NDUFAF2: variants seen among roughly 807,000 people sequenced by gnomAD.
The protein encoded by NDUFAF2 is NADH:ubiquinone oxidoreductase complex assembly factor 2, also known as NADH dehydrogenase [ubiquinone] 1 alpha subcomplex assembly factor 2.
NDUFAF2 carries 13 observed loss-of-function variants against 22.8 expected under a neutral mutation model. The observed-to-expected ratio is 0.57, with a 90% CI of 0.37 to 0.91. The LOEUF (loss-of-function observed/expected upper bound fraction) is 0.91. Among genes scored for constraint, NDUFAF2 ranks in the 40% least tolerant of loss-of-function variants. The probability of loss-of-function intolerance (pLI) is 0.01; values close to 1 mark genes in which losing one functional copy is unlikely to be tolerated. For synonymous variants in NDUFAF2, 53 were observed against 64.2 expected (o/e 0.83, Z 0.84); for missense variants, 162 against 195.2 (o/e 0.83, Z 1.01).
chr5:60,972,977 C>G (rs1750856269), intron 1 of NDUFAF2, among the ~76,000 whole-genome samples: 1 of 151,728 alleles, frequency 6.6e-6, no homozygotes, highest in African/African-American at 2.4e-5. Context: ...TTTACCATAA[C>G]CAAAGAGCTT....
At chr5:61,057,926 G>A (rs961609911) in intron 1 of NDUFAF2, among the ~76,000 whole-genome samples, 3 of 152,116 alleles carry the variant, frequency 2.0e-5, no homozygotes, top group Non-Finnish European at 4.4e-5. Context: ...AAGGGTATTA[G>A]TAATTTCATG....
chr5:61,102,981 A>G (rs527852915), intron 3 of NDUFAF2, among the ~76,000 whole-genome samples: 32 of 152,290 alleles, frequency 2.1e-4, no homozygotes, highest in African/African-American at 7.5e-4. Flanking sequence ...AGCACCCACA[A>G]CTTTTATACA....
intron 2 of NDUFAF2, among the ~76,000 whole-genome samples, chr5:61,078,240 A>C (rs1752393974): frequency 6.8e-6 from 1 of 147,750 alleles, no homozygotes; most frequent in African/African-American, 2.5e-5. Context: ...TACCTTATTC[A>C]TTTTTGTATT....
intron 1 of NDUFAF2, among the ~76,000 whole-genome samples, chr5:61,072,088 C>T (rs1481674599): frequency 1.3e-5 from 2 of 152,156 alleles, no homozygotes; most frequent in African/African-American, 4.8e-5. Context: ...TGCTACTATT[C>T]CACTCCAGAT....
At chr5:61,093,741 T>C (rs1580130577) in intron 2 of NDUFAF2, among the ~76,000 whole-genome samples, 1 of 152,226 alleles carries the variant, frequency 6.6e-6, no homozygotes, top group Non-Finnish European at 1.5e-5. Flanking sequence ...TATCAAACAC[T>C]GCCAGGTTTT....
chr5:60,971,182 T>TG (rs1750822419), intron 1 of NDUFAF2, among the ~76,000 whole-genome samples: 1 of 151,850 alleles, frequency 6.6e-6, no homozygotes, highest in African/African-American at 2.4e-5. Flanking sequence ...CTAGGGTACA[T>TG]GTGCACAATG....
intron 1 of NDUFAF2, among the ~76,000 whole-genome samples, chr5:60,964,452 CT>C (rs750442889): frequency 1.9e-3 from 265 of 139,458 alleles, no homozygotes; most frequent in Admixed American, 2.7e-3. Flanking sequence ...GTGTACAACA[CT>C]TTTTTTTTTT....
intron 1 of NDUFAF2, among the ~76,000 whole-genome samples, chr5:61,010,711 T>C (rs1561541294): frequency 6.6e-6 from 1 of 152,164 alleles, no homozygotes; most frequent in Non-Finnish European, 1.5e-5. Flanking sequence ...ATTCATCCCT[T>C]CTTCTTTCAG....
In NDUFAF2 at chr5:61,040,274, A is replaced by G. The variant is rs1275675124; in HGVS notation, c.128-32851A>G. On this transcript the variant is annotated intron_variant, in intron 1 of 3. Transcript: ENST00000296597. ...AGGACACACACACACACACACACAC[A>G]CACACACACACACGCGCGCGCGCGC... 1.6e-3 allele frequency among the ~76,000 whole-genome samples: 194 copies of G among 120,384 alleles called. 1 individual carries two copies. Among genetic ancestry groups the G allele is most frequent in the African/African-American group, 4.9e-3 (127 of 25,796 alleles). The allele number at this position is 120,384 out of a possible 152,430, so 79.0% of individuals were successfully genotyped here. A position where few individuals can be genotyped will look rare whatever the true frequency, so the allele number is the denominator to read the frequency against.
chr5:61,143,960 T>TGTGTG lies in NDUFAF2; in HGVS notation c.259-8744_259-8743insGTGTG, dbSNP rs1491220278. 1.3e-3 allele frequency among the ~76,000 whole-genome samples: 131 copies of TGTGTG among 98,220 alleles called. 1 individual carries two copies. The highest frequency in any genetic ancestry group is 5.1e-3 in the East Asian group (6 of 1,170). 64.4% of individuals were successfully genotyped at this position (98,220 alleles called of 152,430 possible). A position where few individuals can be genotyped will look rare whatever the true frequency, so the allele number is the denominator to read the frequency against. On this transcript the variant is annotated intron_variant, in intron 3 of 3. Transcript: ENST00000296597. ...ACATTAAAGATGAAATGGCATATTT[T>TGTGTG]TGTGTGTGTGTGTGTGTGTGTGTGT... is the stretch of plus-strand genomic sequence containing the variant.
At chr5:61,048,456 G>A (rs1561550901) in intron 1 of NDUFAF2, among the ~76,000 whole-genome samples, 1 of 152,064 alleles carries the variant, frequency 6.6e-6, no homozygotes, top group Non-Finnish European at 1.5e-5. Context: ...GGCATATATG[G>A]TTTTTGTTTT....
At chr5:60,964,533 C>T (rs545822182) in intron 1 of NDUFAF2, among the ~76,000 whole-genome samples, 30 of 152,020 alleles carry the variant, frequency 2.0e-4, no homozygotes, top group African/African-American at 7.0e-4. Context: ...TCACCGCAAC[C>T]TCTGCGTCCC....
chr5:61,013,824 A>G (rs1167506363), intron 1 of NDUFAF2, among the ~76,000 whole-genome samples: 1 of 152,218 alleles, frequency 6.6e-6, no homozygotes, highest in African/African-American at 2.4e-5. Context: ...GAAATATACT[A>G]GGAAATTCCT....
chr5:61,090,693 CTT>C (rs1050772581), intron 2 of NDUFAF2, among the ~76,000 whole-genome samples: 38 of 151,824 alleles, frequency 2.5e-4, no homozygotes, highest in African/African-American at 8.7e-4. Flanking sequence ...TTTAAAAAAA[CTT>C]TTATTTTAAG....
chr5:61,077,483 T>C (rs1240458190), intron 2 of NDUFAF2, among the ~76,000 whole-genome samples: 3 of 152,154 alleles, frequency 2.0e-5, no homozygotes, highest in African/African-American at 7.2e-5. Flanking sequence ...AAATGCATGA[T>C]AGAAAAAGAA....
chr5:61,041,422 GT>G (rs1157496792), intron 1 of NDUFAF2, among the ~76,000 whole-genome samples: 2 of 152,070 alleles, frequency 1.3e-5, no homozygotes, highest in Admixed American at 6.5e-5. Flanking sequence ...ACCCGTACCA[GT>G]TTTTTTCATG....
At chr5:61,033,436 A>G (rs868102162) in intron 1 of NDUFAF2, among the ~76,000 whole-genome samples, 1 of 152,134 alleles carries the variant, frequency 6.6e-6, no homozygotes, top group Non-Finnish European at 1.5e-5. Context: ...GCTTTATTAC[A>G]TATCATCCCT....
chr5:61,104,935 T>C (rs1257404841), intron 3 of NDUFAF2, among the ~76,000 whole-genome samples: 1 of 152,176 alleles, frequency 6.6e-6, no homozygotes, highest in African/African-American at 2.4e-5. Context: ...TTGGCTACAA[T>C]TTTCAATTCT....
intron 1 of NDUFAF2, among the ~76,000 whole-genome samples, chr5:61,030,920 A>G (rs1041721921): frequency 6.6e-6 from 1 of 151,932 alleles, no homozygotes; most frequent in African/African-American, 2.4e-5. Flanking sequence ...CTCAACACCT[A>G]TTTCTCTTTT....
Sources: gnomAD v4.1 joint callset for allele counts (sites outside exome capture counted in the v4.1 genomes callset) on GRCh38, gnomAD v4.1.1 for gene constraint, MANE v1.5 for transcripts, NCBI Gene and HGNC (gene_info 2026-07-23, HGNC 2026-07-21) for gene names.